Variants in CSMD1 observed in about 807,000 individuals in gnomAD.
CSMD1 encodes the protein CUB and Sushi multiple domains 1.
CSMD1 carries 213 observed loss-of-function variants against 417.5 expected under a neutral mutation model. The ratio of observed to expected loss-of-function variants is 0.51; its 90% confidence interval spans 0.46 to 0.57. The LOEUF (loss-of-function observed/expected upper bound fraction) is 0.57. CSMD1 is among the 20% of genes least tolerant of loss of function. The pLI, the probability that CSMD1 is intolerant of heterozygous loss-of-function variation, is 0.00. For missense variants in CSMD1, 6,923 were observed against 4,529.7 expected (o/e 1.53, Z -15.17); for synonymous variants, 2,862 against 1,736.8 (o/e 1.65, Z -16.11).
chr8:4,534,620 A>C (rs1480082479), intron 2 of CSMD1, among the ~76,000 whole-genome samples: 3 of 151,794 alleles, frequency 2.0e-5, no homozygotes, highest in African/African-American at 7.3e-5. Context: ...TGAAATGTCT[A>C]ATTTTCCCAT....
intron 26 of CSMD1, among the ~76,000 whole-genome samples, chr8:3,276,736 A>G (rs1364523844): frequency 3.9e-5 from 6 of 152,174 alleles, no homozygotes; most frequent in African/African-American, 1.2e-4. Flanking sequence ...TACAAAGCAT[A>G]TTGTTTACAG....
At chr8:3,779,362 G>A (rs994333166) in intron 5 of CSMD1, among the ~76,000 whole-genome samples, 3 of 152,110 alleles carry the variant, frequency 2.0e-5, no homozygotes, top group African/African-American at 7.2e-5. Context: ...AAATTGTAAT[G>A]ACCCAAGATG....
At chr8:3,514,650 C>A (rs1585285843) in intron 10 of CSMD1, among the ~76,000 whole-genome samples, 2 of 152,176 alleles carry the variant, frequency 1.3e-5, no homozygotes, top group East Asian at 3.9e-4. Flanking sequence ...ATAACCCAGG[C>A]TACATTTCAA....
At chr8:4,494,893 C>T (rs1247656105) in intron 2 of CSMD1, among the ~76,000 whole-genome samples, 1 of 151,932 alleles carries the variant, frequency 6.6e-6, no homozygotes, top group Non-Finnish European at 1.5e-5. Flanking sequence ...TTAAAATTCT[C>T]ATTGTTAGGA....
chr8:3,368,362 A>C (rs1809735937), intron 19 of CSMD1, among the ~76,000 whole-genome samples: 1 of 152,148 alleles, frequency 6.6e-6, no homozygotes, highest in Non-Finnish European at 1.5e-5. Flanking sequence ...TTTGAGATAG[A>C]GTCTCGCTCT....
intron 26 of CSMD1, among the ~76,000 whole-genome samples, chr8:3,233,538 G>C (rs779871693): frequency 8.5e-5 from 13 of 152,208 alleles, no homozygotes; most frequent in Non-Finnish European, 1.6e-4. Context: ...TGTTCGTTTT[G>C]TTTTGTTTGG....
intron 69 of CSMD1, among the ~76,000 whole-genome samples, chr8:2,939,746 A>C (rs1366529234): frequency 6.6e-6 from 1 of 152,228 alleles, no homozygotes; most frequent in Non-Finnish European, 1.5e-5. Flanking sequence ...CTCTGAGAAA[A>C]AGGCAGAACA....
intron 3 of CSMD1, among the ~76,000 whole-genome samples, chr8:4,395,654 A>G (rs1324022682): frequency 6.6e-6 from 1 of 151,582 alleles, no homozygotes; most frequent in African/African-American, 2.4e-5. Flanking sequence ...ATGTTTTGAT[A>G]AGACTCTGTT....
chr8:3,085,154 G>C (rs947963906), intron 49 of CSMD1, among the ~76,000 whole-genome samples: 1 of 152,012 alleles, frequency 6.6e-6, no homozygotes, highest in African/African-American at 2.4e-5. Context: ...CTGAATTCTA[G>C]ATCAACATTT....
intron 3 of CSMD1, among the ~76,000 whole-genome samples, chr8:4,384,034 A>G (rs1803280080): frequency 7.7e-6 from 1 of 130,428 alleles, no homozygotes; most frequent in South Asian, 2.6e-4. Context: ...CTCATAACAG[A>G]TGTTTGGTCT....
intron 1 of CSMD1, among the ~76,000 whole-genome samples, chr8:4,723,793 A>AAAAC (rs1809224695): frequency 6.9e-6 from 1 of 145,926 alleles, no homozygotes; most frequent in Non-Finnish European, 1.5e-5. Flanking sequence ...AATGTAAAAA[A>AAAAC]AAAAAAACAA....
intron 12 of CSMD1, among the ~76,000 whole-genome samples, chr8:3,468,205 T>C (rs4875712): frequency 0.07 from 10,667 of 152,298 alleles, 430 homozygotes; most frequent in East Asian, 0.19. Context: ...ATTTCAATGG[T>C]TCAGAAATTG....
At chr8:4,066,010 A>G (rs994859772) in intron 3 of CSMD1, among the ~76,000 whole-genome samples, 2 of 152,202 alleles carry the variant, frequency 1.3e-5, no homozygotes, top group Non-Finnish European at 2.9e-5. Flanking sequence ...TTCTCCACGA[A>G]TATCCTTGGA....
intron 49 of CSMD1, among the ~76,000 whole-genome samples, chr8:3,061,130 T>G (rs748467961): frequency 1.3e-5 from 2 of 152,152 alleles, no homozygotes; most frequent in Admixed American, 1.3e-4. Context: ...AGTTTGGTAT[T>G]TGTCTGTTTG....
At chr8:4,674,896 T>C (rs1340296087) in intron 1 of CSMD1, among the ~76,000 whole-genome samples, 3 of 152,164 alleles carry the variant, frequency 2.0e-5, no homozygotes, top group Non-Finnish European at 4.4e-5. Flanking sequence ...GAGACTCTCA[T>C]GATGGCATTA....
intron 12 of CSMD1, among the ~76,000 whole-genome samples, chr8:3,425,747 CT>C (rs549679155): frequency 1.5e-4 from 23 of 152,208 alleles, no homozygotes; most frequent in African/African-American, 5.3e-4. Context: ...TTCGGATACC[CT>C]TTTTCTCTCT....
At chr8:3,882,445 A>G (rs1806270103) in intron 5 of CSMD1, among the ~76,000 whole-genome samples, 2 of 152,330 alleles carry the variant, frequency 1.3e-5, no homozygotes, top group Admixed American at 1.3e-4. Context: ...GAAATTTCCT[A>G]CACTACGGTG....
At chr8:4,880,861 T>A (rs915833620) in intron 1 of CSMD1, among the ~76,000 whole-genome samples, 46 of 152,140 alleles carry the variant, frequency 3.0e-4, no homozygotes, top group African/African-American at 1.1e-3. Context: ...TCTAAGCTAT[T>A]TAGTATTATT....
At chr8:4,257,320 T>C (rs919738815) in intron 3 of CSMD1, among the ~76,000 whole-genome samples, 11 of 152,198 alleles carry the variant, frequency 7.2e-5, no homozygotes, top group African/African-American at 2.7e-4. Context: ...TTTTAAATGA[T>C]AACTATTTTT....
Sources: gnomAD v4.1 joint callset for allele counts (sites outside exome capture counted in the v4.1 genomes callset) on GRCh38, gnomAD v4.1.1 for gene constraint, MANE v1.5 for transcripts, NCBI Gene and HGNC (gene_info 2026-07-23, HGNC 2026-07-21) for gene names.